Variants in MEGF6 observed in about 807,000 individuals in gnomAD.
MEGF6 encodes the protein multiple epidermal growth factor-like domains protein 6.
In MEGF6, 184 loss-of-function variants were observed where a neutral mutation model predicts 207.1. The ratio of observed to expected loss-of-function variants is 0.89; its 90% confidence interval spans 0.79 to 1.00. The LOEUF (loss-of-function observed/expected upper bound fraction) is 1.00. MEGF6 is among the 50% of genes least tolerant of loss of function. MEGF6 has a pLI of 0.00. For missense variants in MEGF6, 2,282 were observed against 2,202.9 expected (o/e 1.04, Z -0.72); for synonymous variants, 1,038 against 910.0 (o/e 1.14, Z -2.53).
intron 4 of MEGF6, among the ~76,000 whole-genome samples, chr1:3,552,553 G>A (rs369898021): frequency 3.3e-5 from 5 of 152,248 alleles, no homozygotes; most frequent in African/African-American, 7.2e-5. Context: ...AAATTAGCTA[G>A]GTGTGGTGGC....
chr1:3,507,803 CAGTT>C lies in MEGF6; in HGVS notation c.1777_1780del (p.Asn593ValfsTer117). ...GAAGAGGCTGCACGCACCATCCTCA[CAGTT>C]AGTTCCACTGACACCCGGGGGGCAG... On this transcript the variant is annotated frameshift_variant, in exon 14 of 37. Transcript: ENST00000356575. LOFTEE classifies it high-confidence loss of function. 6.2e-7 allele frequency: 1 copy of C among 1,612,824 alleles called. No individual in the cohort carries two copies. The highest frequency in any genetic ancestry group is 8.5e-7 in the Non-Finnish European group (1 of 1,179,912).
chr1:3,581,684 C>T lies in MEGF6; in HGVS notation c.377-1755G>A, dbSNP rs112346324. Among the ~76,000 whole-genome samples, 18 of 152,322 alleles carry T rather than the reference C, an allele frequency of 1.2e-4. No homozygotes were observed. In the South Asian group the frequency reaches 1.4e-3, roughly 12 times the overall value. The stretch of plus-strand genomic sequence containing the variant: ...CCAAATAGCCAAGACCAATCACCCC[C>T]GGGTGGGGAGCAGGTGCCGGCCTGG... On this transcript the variant is annotated intron_variant, in intron 3 of 36. Coordinates refer to ENST00000356575, the MANE Select transcript of MEGF6 (RefSeq NM_001409.4).
chr1:3,536,542 G>C (rs1271739961), intron 4 of MEGF6, among the ~76,000 whole-genome samples: 1 of 152,184 alleles, frequency 6.6e-6, no homozygotes, highest in Non-Finnish European at 1.5e-5. Context: ...GGCCCAGGCT[G>C]CACCCACAAC....
rs778380735 is a variant in MEGF6, at chr1:3,508,570, T to C, written c.1648A>G (p.Ile550Val). 5.6e-6 allele frequency: 9 copies of C among 1,613,032 alleles called. No individual in the cohort carries two copies. In the South Asian group the frequency reaches 7.7e-5, roughly 14 times the overall value. Residue 550 changes from isoleucine (I) to valine (V), a missense_variant, in exon 13 of 37, where the codon ATC (isoleucine) becomes GTC (valine). Transcript: ENST00000356575. Reference sequence around the variant, plus strand: ...CCAGCTGCCTCACTCTCATTGCAGATGAGCCCAGTCCAGCCCTCGGGGCAA... The same window carrying C: ...CCAGCTGCCTCACTCTCATTGCAGACGAGCCCAGTCCAGCCCTCGGGGCAA... ...CDCPEGWTGL[I>V]CNETCPPDTF...
At chr1:3,508,839 C>T in intron 12 of MEGF6, 150 bp from the exon 13 acceptor site, 1 of 1,153,482 alleles carries the variant, frequency 8.7e-7, no homozygotes, top group South Asian at 1.6e-5. Context: ...GGGACAGATG[C>T]TGGGGCCAGA....
chr1:3,576,245 G>A lies in MEGF6; in HGVS notation c.481+3580C>T, dbSNP rs565496657. On this transcript the variant is annotated intron_variant, in intron 4 of 36. Coordinates refer to ENST00000356575, the MANE Select transcript of MEGF6 (RefSeq NM_001409.4). ...CACGGCTCCCGCTGCTTCTGCGGAA[G>A]GGCTCCCAGGGCCTCAGGGAAACAC... 3.3e-5 allele frequency among the ~76,000 whole-genome samples: 5 copies of A among 152,364 alleles called. No individual in the cohort carries two copies. In the South Asian group the frequency reaches 1.0e-3, roughly 32 times the overall value.
intron 3 of MEGF6, among the ~76,000 whole-genome samples, chr1:3,593,908 C>T (rs1384888032): frequency 6.6e-6 from 1 of 152,172 alleles, no homozygotes; most frequent in Non-Finnish European, 1.5e-5. Context: ...AGAGAATTAC[C>T]CACTTCCTCT....
chr1:3,546,021 G>A (rs1203588514), intron 4 of MEGF6, among the ~76,000 whole-genome samples: 2 of 152,088 alleles, frequency 1.3e-5, no homozygotes, highest in African/African-American at 2.4e-5. Context: ...GGGAGATGAT[G>A]ACAGTAAGTG....
At chr1:3,603,357 C>A (rs1414946594) in intron 1 of MEGF6, among the ~76,000 whole-genome samples, 2 of 152,060 alleles carry the variant, frequency 1.3e-5, no homozygotes, top group African/African-American at 2.4e-5. Context: ...CGGGCCAGCA[C>A]CCCCAGAGCA....
intron 5 of MEGF6, among the ~76,000 whole-genome samples, chr1:3,523,648 G>A (rs1034033058): frequency 4.6e-5 from 7 of 152,176 alleles, no homozygotes; most frequent in Non-Finnish European, 8.8e-5. Flanking sequence ...GTGTCCTCAC[G>A]CAGCCCCTGC....
intron 2 of MEGF6, among the ~76,000 whole-genome samples, chr1:3,598,574 C>A (rs1022581758): frequency 6.6e-6 from 1 of 152,164 alleles, no homozygotes; most frequent in Admixed American, 6.5e-5. Flanking sequence ...CCCCCTCCAT[C>A]CCCCCAAAAG....
intron 1 of MEGF6, among the ~76,000 whole-genome samples, chr1:3,607,929 T>C (rs1644274907): frequency 6.6e-6 from 1 of 151,834 alleles, no homozygotes; most frequent in Admixed American, 6.5e-5. Context: ...ATCACCAGGT[T>C]GGGGAGGGCG....
At chr1:3,535,636 T>C (rs1642303824) in intron 4 of MEGF6, among the ~76,000 whole-genome samples, 1 of 151,508 alleles carries the variant, frequency 6.6e-6, no homozygotes, top group Admixed American at 6.6e-5. Context: ...AAACCCTCAT[T>C]CTGCCCAGCT....
chr1:3,613,103 T>G (rs762595116), upstream of MEGF6, among the ~76,000 whole-genome samples: 26 of 152,302 alleles, frequency 1.7e-4, no homozygotes, highest in Non-Finnish European at 3.5e-4. Context: ...GCTAGTTCAC[T>G]GTCTTCTAAA....
At chr1:3,518,948 C>T (rs1248320842) in intron 5 of MEGF6, among the ~76,000 whole-genome samples, 1 of 152,224 alleles carries the variant, frequency 6.6e-6, no homozygotes, top group Non-Finnish European at 1.5e-5. Context: ...AGGGGCACTA[C>T]TGACTCACAG....
intron 13 of MEGF6, among the ~76,000 whole-genome samples, chr1:3,508,132 C>T (rs1452038561): frequency 2.0e-5 from 3 of 152,152 alleles, no homozygotes; most frequent in Non-Finnish European, 4.4e-5. Context: ...AGAGGAGTCT[C>T]CTCCTTCTGA....
In MEGF6 at chr1:3,595,454, A is replaced by T. The variant is rs752201148; in HGVS notation, c.267-7T>A. 1.9e-6 allele frequency: 3 copies of T among 1,609,052 alleles called. No homozygotes were observed. The highest frequency in any genetic ancestry group is 2.2e-5 in the East Asian group (1 of 44,832). On this transcript the variant is annotated splice_polypyrimidine_tract_variant and splice_region_variant and intron_variant, in intron 2 of 36. Coordinates refer to ENST00000356575, the MANE Select transcript of MEGF6 (RefSeq NM_001409.4). ...GCCCATGTAGTAGACGGTTCTAGAAAGAAAGAGAGAAGGGAAGTGCTTACC... is the reference window on the plus strand; with the variant it reads ...GCCCATGTAGTAGACGGTTCTAGAATGAAAGAGAGAAGGGAAGTGCTTACC...
intron 1 of MEGF6, among the ~76,000 whole-genome samples, chr1:3,606,734 C>T (rs957430701): frequency 5.9e-5 from 9 of 152,218 alleles, no homozygotes; most frequent in Admixed American, 2.0e-4. Flanking sequence ...CACTTACCCA[C>T]GGCGAGCCCT....
At position 3,530,380 on chromosome 1, in the gene MEGF6, C is replaced by T. The variant is rs545563748; in HGVS notation, c.482-6134G>A. 3.9e-5 allele frequency among the ~76,000 whole-genome samples: 6 copies of T among 152,322 alleles called. No individual in the cohort carries two copies. In the East Asian group the frequency reaches 7.7e-4, roughly 20 times the overall value. On this transcript the variant is annotated intron_variant, in intron 4 of 36. Transcript: ENST00000356575. ...AGCCACTGCCTACCCCCGGGTGATG[C>T]GGCTGACGACTCACTGGGAGCCGCA...
Sources: gnomAD v4.1 joint callset for allele counts (sites outside exome capture counted in the v4.1 genomes callset) on GRCh38, gnomAD v4.1.1 for gene constraint, MANE v1.5 for transcripts, NCBI Gene and HGNC (gene_info 2026-07-23, HGNC 2026-07-21) for gene names.